The following ADAM28 variants were observed in gnomAD, a reference collection of about 807,000 sequenced individuals.
ADAM28 encodes the protein ADAM metallopeptidase domain 28.
ADAM28 carries 105 observed loss-of-function variants against 101.2 expected under a neutral mutation model. The observed-to-expected ratio is 1.04, with a 90% confidence interval of 0.89 to 1.22. ADAM28 has a LOEUF of 1.22. Among genes scored for constraint, ADAM28 ranks in the 50% most tolerant of loss-of-function variants. The pLI is 0.00. For missense variants in ADAM28, 1,028 were observed against 945.4 expected (o/e 1.09, Z -1.15); for synonymous variants, 322 against 310.6 (o/e 1.04, Z -0.39).
At position 24,351,454 on chromosome 8, in the gene ADAM28, A is replaced by G. The variant is rs988235350; in HGVS notation, c.2178+144A>G. 3.5e-6 allele frequency: 3 copies of G among 864,400 alleles called. No homozygotes were observed. The Admixed American group carries it at 6.0e-5, about 17-fold the overall frequency. 53.5% of individuals were successfully genotyped at this position (864,400 alleles called of 1,614,324 possible). On this transcript the variant is annotated intron_variant, in intron 20 of 22. Transcript: ENST00000265769. ...GAAATGTCTCCTTTGCCTTTTGTTA[A>G]AGGCAAAAGAGTCCCTAAAATGCCG...
chr8:24,353,098 G>C (rs769519319), intron 21 of ADAM28, among the ~76,000 whole-genome samples: 1 of 152,116 alleles, frequency 6.6e-6, no homozygotes, highest in Non-Finnish European at 1.5e-5. Context: ...TATGGATATT[G>C]ATGTTTTATT....
intron 19 of ADAM28, 85 bp downstream of exon 19, chr8:24,350,057 A>C (rs1250495101): frequency 1.1e-5 from 13 of 1,170,216 alleles, no homozygotes; most frequent in Non-Finnish European, 1.5e-5. Context: ...CTATCCTTTC[A>C]AATTGAATTG....
intron 4 of ADAM28, 24 bp downstream of exon 4, chr8:24,310,265 TTTAA>T: frequency 6.2e-7 from 1 of 1,602,732 alleles, no homozygotes; most frequent in Non-Finnish European, 8.5e-7. Flanking sequence ...TCTTCAATTC[TTTAA>T]TTAGGGTTTT....
rs543308272 is a variant in ADAM28, at chr8:24,306,363, AATAT to A, written c.151-3512_151-3509del. Among the ~76,000 whole-genome samples, 90 of 108,470 alleles carry A rather than the reference AATAT, an allele frequency of 8.3e-4. 3 individuals are homozygous for A. Among genetic ancestry groups the A allele is most frequent in the South Asian group, 5.5e-3 (20 of 3,628 alleles). 71.2% of individuals were successfully genotyped at this position (108,470 alleles called of 152,430 possible). On this transcript the variant is annotated intron_variant, in intron 2 of 22. Transcript: ENST00000265769. ...CATCTCAAATACAAATAAATAAATA[AATAT>A]ATATATATATATATATATTTAAAAA...
At chr8:24,333,792 T>C (rs1296336733) in intron 13 of ADAM28, among the ~76,000 whole-genome samples, 1 of 152,234 alleles carries the variant, frequency 6.6e-6, no homozygotes, top group Non-Finnish European at 1.5e-5. Context: ...TCTGTGGTGC[T>C]TTTCTGAATT....
At chr8:24,313,107 G>T (rs566234135) in intron 5 of ADAM28, among the ~76,000 whole-genome samples, 4 of 152,172 alleles carry the variant, frequency 2.6e-5, no homozygotes, top group African/African-American at 4.8e-5. Context: ...TGTACCAAGT[G>T]TCAGGAAATA....
intron 21 of ADAM28, among the ~76,000 whole-genome samples, chr8:24,353,053 C>G (rs1270841501): frequency 6.6e-6 from 1 of 151,998 alleles, no homozygotes. Flanking sequence ...CACATTTGTC[C>G]CAGGGATATC....
At chr8:24,342,260 C>G (rs767984442) in intron 16 of ADAM28, among the ~76,000 whole-genome samples, 3 of 152,158 alleles carry the variant, frequency 2.0e-5, no homozygotes, top group Non-Finnish European at 4.4e-5. Flanking sequence ...GAATTACCCT[C>G]TTTATATATT....
chr8:24,350,438 A>G (rs1350513363), intron 19 of ADAM28, among the ~76,000 whole-genome samples: 1 of 151,848 alleles, frequency 6.6e-6, no homozygotes, highest in Admixed American at 6.6e-5. Flanking sequence ...CTCAGCCCCG[A>G]GTATCTGGGA....
chr8:24,303,585 G>T (rs998484081), intron 2 of ADAM28, among the ~76,000 whole-genome samples: 5 of 152,080 alleles, frequency 3.3e-5, no homozygotes, highest in African/African-American at 1.2e-4. Context: ...AATGCCTCCA[G>T]CTTTGTTCTT....
intron 9 of ADAM28, among the ~76,000 whole-genome samples, chr8:24,326,011 C>G (rs1464842855): frequency 1.3e-5 from 2 of 150,832 alleles, no homozygotes; most frequent in African/African-American, 2.4e-5. Flanking sequence ...AACATATTAT[C>G]TATGGAAGTA....
chr8:24,302,865 A>C (rs1179452596), intron 2 of ADAM28, among the ~76,000 whole-genome samples: 1 of 151,116 alleles, frequency 6.6e-6, no homozygotes, highest in East Asian at 2.0e-4. Context: ...GGTGTGCTAC[A>C]CCCATTAACT....
rs927256069 is a variant in ADAM28 at position 24,356,616 on chromosome 8, A to C, written c.*2212A>C. ...TCAACTGCAGAATAGTTTAGAACAG[A>C]CTTTTTGATTTCACAATACTGTTTC... On this transcript the variant is annotated 3_prime_UTR_variant, in exon 23 of 23. Coordinates refer to ENST00000265769, the MANE Select transcript of ADAM28 (RefSeq NM_014265.6). 3 of 152,132 alleles carry C rather than the reference A, an allele frequency of 2.0e-5. No individual in the cohort carries two copies. The highest frequency in any genetic ancestry group is 6.6e-5 in the Admixed American group (1 of 15,256). 9.4% of individuals were successfully genotyped at this position (152,132 alleles called of 1,614,324 possible). A position where few individuals can be genotyped will look rare whatever the true frequency, so the allele number is the denominator to read the frequency against.
rs377237476 is a variant in ADAM28, at chr8:24,317,250, G to GA, written c.577-2977dup. Among the ~76,000 whole-genome samples the GA allele has an allele frequency of 2.3e-4, 35 of 149,734 alleles. No individual in the cohort carries two copies. The East Asian group carries it at 3.3e-3, about 14-fold the overall frequency. On this transcript the variant is annotated intron_variant, in intron 6 of 22. Transcript: ENST00000265769. The stretch of plus-strand genomic sequence containing the variant: ...TCCCAAATAGTCAAAGGAATTCTGA[G>GA]AAAAAAAAAGACATCATACTACCTG...
rs143887160 is a variant in ADAM28 at position 24,356,370 on chromosome 8, C to G, written c.*1966C>G. The G allele has an allele frequency of 1.1e-4, 16 of 152,238 alleles. No individual in the cohort carries two copies. The highest frequency in any genetic ancestry group is 3.9e-4 in the African/African-American group (16 of 41,540). The allele number at this position is 152,238 out of a possible 1,614,324, so 9.4% of individuals were successfully genotyped here. ...TGGAAATCTTAAATCTATGAATCCT[C>G]AACTAGCCATGTACCATAACCCAAG... is the stretch of plus-strand genomic sequence containing the variant. On this transcript the variant is annotated 3_prime_UTR_variant, in exon 23 of 23. Transcript: ENST00000265769.
intron 1 of ADAM28, among the ~76,000 whole-genome samples, chr8:24,297,653 G>C (rs954304640): frequency 9.9e-5 from 15 of 152,192 alleles, no homozygotes; most frequent in African/African-American, 3.6e-4. Context: ...TAATGTACCA[G>C]GCAGCACGTG....
intron 1 of ADAM28, among the ~76,000 whole-genome samples, chr8:24,299,545 T>A (rs2129233706): frequency 6.6e-6 from 1 of 152,318 alleles, no homozygotes; most frequent in Admixed American, 6.5e-5. Flanking sequence ...TTATTTTATT[T>A]TTCTAACATT....
At chr8:24,333,249 C>T (rs1309367478) in intron 13 of ADAM28, among the ~76,000 whole-genome samples, 2 of 152,130 alleles carry the variant, frequency 1.3e-5, no homozygotes, top group Admixed American at 6.6e-5. Context: ...TAATGTACAA[C>T]ATGACTATAG....
intron 10 of ADAM28, 131 bp from the exon 11 acceptor site, chr8:24,329,853 GT>G: frequency 2.3e-6 from 2 of 867,276 alleles, no homozygotes; most frequent in Non-Finnish European, 1.8e-6. Context: ...TGCTCTGTGT[GT>G]GTGTGTGTGT....
Sources: allele counts gnomAD v4.1 joint callset (sites outside exome capture counted in the v4.1 genomes callset), GRCh38; gene constraint gnomAD v4.1.1; transcripts MANE v1.5; gene names NCBI Gene and HGNC (gene_info 2026-07-23, HGNC 2026-07-21).